CELF4: variants seen among roughly 807,000 people sequenced by gnomAD.
CELF4 encodes the protein CUG-BP- and ETR-3-like factor 4.
A neutral mutation model predicts 59.9 loss-of-function variants in CELF4; 18 were observed. That is an observed-to-expected ratio of 0.30 (90% CI 0.21 to 0.45). CELF4 has a LOEUF of 0.45. Ranked by LOEUF, CELF4 falls within the 20% of genes least tolerant of loss-of-function variation. The probability of loss-of-function intolerance (pLI) is 1.00; values close to 1 mark genes in which losing one functional copy is unlikely to be tolerated. For missense variants in CELF4, 456 were observed against 689.0 expected (o/e 0.66, Z 3.79); for synonymous variants, 261 against 267.1 (o/e 0.98, Z 0.22).
At chr18:37,303,839 C>T (rs929764855) in intron 3 of CELF4, among the ~76,000 whole-genome samples, 2 of 152,230 alleles carry the variant, frequency 1.3e-5, no homozygotes, top group East Asian at 3.9e-4. Context: ...ACCCCATGTC[C>T]TTTCCTTCTG....
At chr18:37,417,749 C>G (rs187939786) in intron 2 of CELF4, among the ~76,000 whole-genome samples, 37 of 152,370 alleles carry the variant, frequency 2.4e-4, no homozygotes, top group Admixed American at 1.8e-3. Context: ...TGATTCTAAT[C>G]TTGGCCAGAT....
intron 2 of CELF4, among the ~76,000 whole-genome samples, chr18:37,353,235 T>A (rs549266384): frequency 0.063 from 3,105 of 49,588 alleles, 70 homozygotes; most frequent in African/African-American, 0.12. Context: ...AAAAAAAAAA[T>A]ATATATATAT....
At chr18:37,296,347 C>T (rs2095639534) in intron 3 of CELF4, among the ~76,000 whole-genome samples, 1 of 152,170 alleles carries the variant, frequency 6.6e-6, no homozygotes, top group Non-Finnish European at 1.5e-5. Context: ...AGGTGCATGC[C>T]ACCATGCCTG....
chr18:37,393,083 GACT>G (rs2099185359), intron 2 of CELF4, among the ~76,000 whole-genome samples: 1 of 151,558 alleles, frequency 6.6e-6, no homozygotes, highest in Admixed American at 6.6e-5. Flanking sequence ...GAGACACAGG[GACT>G]GCGGTGTGTT....
At chr18:37,316,350 C>T (rs1359800406) in intron 3 of CELF4, among the ~76,000 whole-genome samples, 1 of 152,168 alleles carries the variant, frequency 6.6e-6, no homozygotes, top group Admixed American at 6.5e-5. Context: ...CAACTTGCTC[C>T]AGTGTGCTTT....
chr18:37,428,015 C>T (rs896345980), intron 2 of CELF4, among the ~76,000 whole-genome samples: 2 of 152,192 alleles, frequency 1.3e-5, no homozygotes, highest in Admixed American at 6.5e-5. Context: ...TTGTGTGCAC[C>T]TGTTCTATGT....
chr18:37,338,510 G>T (rs2097860600), intron 2 of CELF4, among the ~76,000 whole-genome samples: 1 of 152,192 alleles, frequency 6.6e-6, no homozygotes, highest in African/African-American at 2.4e-5. Context: ...TACTGCTAGT[G>T]ATGGGATTCT....
At position 37,514,806 on chromosome 18, in the gene CELF4, G is replaced by A. The variant is rs187264629; in HGVS notation, c.287-29199C>T. ...TTCAGGTTGGGGCTCCTTTAAATGG[G>A]TTTATTAAAAAAATCATTTACTGTG... On this transcript the variant is annotated intron_variant, in intron 1 of 12. Transcript: ENST00000420428. Among the ~76,000 whole-genome samples the A allele has an allele frequency of 2.6e-4, 40 of 151,912 alleles. No individual in the cohort carries two copies. The East Asian group carries it at 6.8e-3, about 26-fold the overall frequency.
chr18:37,469,947 G>A lies in CELF4; in HGVS notation c.369+15578C>T, dbSNP rs756752307. Among the ~76,000 whole-genome samples the A allele has an allele frequency of 4.3e-4, 65 of 152,276 alleles. 1 individual carries two copies. In the South Asian group the frequency reaches 4.4e-3, roughly 10 times the overall value. On this transcript the variant is annotated intron_variant, in intron 2 of 12. Transcript: ENST00000420428. ...GTAGCCCACCTCGCCACTTCATAAC[G>A]CAGGACAGCCCCCAGTGAATCCCTG...
At position 37,403,813 on chromosome 18, in the gene CELF4, G is replaced by A. The variant is rs2099355627; in HGVS notation, c.369+81712C>T. Among the ~76,000 whole-genome samples the A allele has an allele frequency of 2.6e-5, 4 of 152,318 alleles. No homozygotes were observed. The South Asian group carries it at 8.3e-4, about 32-fold the overall frequency. ...ATGCTGTGGCTGGGACAGAGCCACT[G>A]GGCCTCCTGGGCTAGTGCTGCTCAT... On this transcript the variant is annotated intron_variant, in intron 2 of 12. Transcript: ENST00000420428.
At chr18:37,325,473 T>A (rs1201617550) in intron 2 of CELF4, among the ~76,000 whole-genome samples, 1 of 152,208 alleles carries the variant, frequency 6.6e-6, no homozygotes. Flanking sequence ...GCTTCCACCC[T>A]AGATGCCACC....
chr18:37,339,697 T>G (rs1241072785), intron 2 of CELF4, among the ~76,000 whole-genome samples: 2 of 147,676 alleles, frequency 1.4e-5, no homozygotes, highest in African/African-American at 2.5e-5. Context: ...GAGTTTGCAG[T>G]GAGCCGAGAT....
chr18:37,515,033 T>C (rs1467260493), intron 1 of CELF4, among the ~76,000 whole-genome samples: 1 of 152,222 alleles, frequency 6.6e-6, no homozygotes, highest in Non-Finnish European at 1.5e-5. Flanking sequence ...TAACAAATCC[T>C]CATCCTTTGG....
At chr18:37,464,614 G>A (rs1200862835) in intron 2 of CELF4, among the ~76,000 whole-genome samples, 3 of 152,260 alleles carry the variant, frequency 2.0e-5, no homozygotes, top group Non-Finnish European at 4.4e-5. Context: ...GTGGAGGTGT[G>A]TTTCTCAGAC....
chr18:37,290,987 G>A (rs776481341), intron 3 of CELF4, among the ~76,000 whole-genome samples: 1 of 152,122 alleles, frequency 6.6e-6, no homozygotes, highest in Non-Finnish European at 1.5e-5. Context: ...TTGGCTCACC[G>A]CAACCTCCGC....
chr18:37,470,273 G>A (rs772734903), intron 2 of CELF4, among the ~76,000 whole-genome samples: 13 of 152,180 alleles, frequency 8.5e-5, no homozygotes, highest in Admixed American at 2.0e-4. Context: ...GTTTGCAAGT[G>A]GCTTACGAAT....
At chr18:37,404,394 G>A (rs1160502784) in intron 2 of CELF4, among the ~76,000 whole-genome samples, 1 of 152,236 alleles carries the variant, frequency 6.6e-6, no homozygotes, top group Non-Finnish European at 1.5e-5. Flanking sequence ...GGCACCTCTG[G>A]AGTTAAGTGT....
At chr18:37,319,023 C>T (rs1312782201) in intron 3 of CELF4, among the ~76,000 whole-genome samples, 2 of 152,222 alleles carry the variant, frequency 1.3e-5, no homozygotes, top group East Asian at 1.9e-4. Flanking sequence ...AGGCCTCTGG[C>T]TGCCCCCGCC....
intron 3 of CELF4, among the ~76,000 whole-genome samples, chr18:37,295,824 C>A (rs1257051079): frequency 1.3e-5 from 2 of 152,186 alleles, no homozygotes; most frequent in African/African-American, 4.8e-5. Context: ...GCATTGGCGG[C>A]GAGAGGAAGA....
Sources: allele counts gnomAD v4.1 joint callset (sites outside exome capture counted in the v4.1 genomes callset), GRCh38; gene constraint gnomAD v4.1.1; transcripts MANE v1.5; gene names NCBI Gene and HGNC (gene_info 2026-07-23, HGNC 2026-07-21).